Variants in TESK2 observed in about 807,000 individuals in gnomAD.
TESK2 encodes the protein dual specificity testis-specific protein kinase 2.
TESK2 carries 39 observed loss-of-function variants against 57.1 expected under a neutral mutation model. The ratio of observed to expected loss-of-function variants is 0.68; its 90% CI spans 0.53 to 0.89. TESK2 has a LOEUF of 0.89. Among genes scored for constraint, TESK2 ranks in the 40% least tolerant of loss-of-function variants. The pLI is 0.00. For missense variants in TESK2, 646 were observed against 732.1 expected, an observed-to-expected ratio of 0.88 and a Z score of 1.36; for synonymous variants, 249 against 267.9, an observed-to-expected ratio of 0.93 and a Z score of 0.69.
chr1:45,402,293 C>T (rs1649657696), intron 3 of TESK2, among the ~76,000 whole-genome samples: 1 of 150,274 alleles, frequency 6.7e-6, no homozygotes, highest in Non-Finnish European at 1.5e-5. Flanking sequence ...ACTCAGAAGA[C>T]AGCCAGGAGG....
At chr1:45,475,674 G>C (rs1652960261) in intron 1 of TESK2, among the ~76,000 whole-genome samples, 1 of 152,194 alleles carries the variant, frequency 6.6e-6, no homozygotes, top group Non-Finnish European at 1.5e-5. Flanking sequence ...GTGTGTCTGT[G>C]AGGGTGCGGC....
intron 2 of TESK2, among the ~76,000 whole-genome samples, chr1:45,422,777 G>GTTGTTGTTGTTGTTGTTGTTGTTGTTT (rs1557567065): frequency 1.3e-5 from 2 of 151,390 alleles, no homozygotes; most frequent in Admixed American, 6.6e-5. Flanking sequence ...TGTTGTTGTT[G>GTTGTTGTTGTTGTTGTTGTTGTTGTTT]TTTTTGTTTT....
intron 4 of TESK2, among the ~76,000 whole-genome samples, chr1:45,359,485 G>A (rs868134119): frequency 2.7e-5 from 4 of 150,814 alleles, no homozygotes; most frequent in East Asian, 1.9e-4. Flanking sequence ...ACTTGAACCC[G>A]GGAGGCGGAG....
intron 3 of TESK2, among the ~76,000 whole-genome samples, chr1:45,421,422 C>A (rs989880518): frequency 6.6e-6 from 1 of 152,136 alleles, no homozygotes; most frequent in Non-Finnish European, 1.5e-5. Context: ...AAAGACCAAT[C>A]TCTCCTCTTT....
intron 1 of TESK2, among the ~76,000 whole-genome samples, chr1:45,483,006 G>C (rs1019973774): frequency 6.6e-6 from 1 of 150,736 alleles, no homozygotes; most frequent in South Asian, 2.1e-4. Flanking sequence ...ATGTCCGGGC[G>C]CAGTAGCTGA....
chr1:45,475,014 C>T (rs1170355677), intron 1 of TESK2, among the ~76,000 whole-genome samples: 1 of 140,086 alleles, frequency 7.1e-6, no homozygotes, highest in Non-Finnish European at 1.5e-5. Context: ...GGCAGAAAGG[C>T]AACTCATGGG....
intron 1 of TESK2, among the ~76,000 whole-genome samples, chr1:45,463,585 T>C (rs1421391219): frequency 6.6e-6 from 1 of 152,124 alleles, no homozygotes; most frequent in African/African-American, 2.4e-5. Flanking sequence ...TCTGGTTTTT[T>C]GTTTTTGTTT....
chr1:45,418,240 A>AT (rs1650329426), intron 3 of TESK2, among the ~76,000 whole-genome samples: 1 of 152,214 alleles, frequency 6.6e-6, no homozygotes, highest in African/African-American at 2.4e-5. Context: ...CTTAAGCTAG[A>AT]TATTACTTAA....
chr1:45,393,545 A>G (rs1387777013), intron 3 of TESK2, among the ~76,000 whole-genome samples: 1 of 152,184 alleles, frequency 6.6e-6, no homozygotes. Context: ...GATCAAGACC[A>G]TCCTGGCCAA....
intron 1 of TESK2, among the ~76,000 whole-genome samples, chr1:45,472,956 T>A (rs1353082352): frequency 5.0e-5 from 7 of 138,682 alleles, no homozygotes; most frequent in Non-Finnish European, 9.2e-5. Context: ...GGTAATACGG[T>A]GAAACCCTGT....
intron 2 of TESK2, among the ~76,000 whole-genome samples, chr1:45,431,869 T>C (rs1650979230): frequency 6.6e-6 from 1 of 152,156 alleles, no homozygotes; most frequent in Non-Finnish European, 1.5e-5. Context: ...AGAAACTGGG[T>C]TTGGCTCAAG....
At chr1:45,476,831 A>G (rs1254042408) in intron 1 of TESK2, among the ~76,000 whole-genome samples, 1 of 151,740 alleles carries the variant, frequency 6.6e-6, no homozygotes, top group Non-Finnish European at 1.5e-5. Flanking sequence ...TGGGAGATAG[A>G]GTGAGACTCC....
chr1:45,482,114 G>A (rs1353870840), intron 1 of TESK2, among the ~76,000 whole-genome samples: 4 of 152,094 alleles, frequency 2.6e-5, no homozygotes, highest in East Asian at 1.9e-4. Context: ...CTCAAGGTTC[G>A]TGCATATTTT....
At position 45,374,729 on chromosome 1, in the gene TESK2, T is replaced by C. The variant is rs541902008; in HGVS notation, c.393+11183A>G. 6.6e-5 allele frequency among the ~76,000 whole-genome samples: 10 copies of C among 152,322 alleles called. No homozygotes were observed. The South Asian group carries it at 2.1e-3, about 32-fold the overall frequency. ...TACTCCTTCAGACACCAGTACTCTATGAAGATATCTCAACTCGAATGTCCA... is the reference window on the plus strand; with the variant it reads ...TACTCCTTCAGACACCAGTACTCTACGAAGATATCTCAACTCGAATGTCCA... On this transcript the variant is annotated intron_variant, in intron 4 of 10. Coordinates refer to ENST00000372086, the MANE Select transcript of TESK2 (RefSeq NM_007170.3).
intron 2 of TESK2, among the ~76,000 whole-genome samples, chr1:45,444,661 A>G (rs1194410904): frequency 6.6e-6 from 1 of 152,236 alleles, no homozygotes; most frequent in African/African-American, 2.4e-5. Context: ...ACATATCCAC[A>G]ACCTAGAATA....
rs181702671 is a variant in TESK2 at position 45,366,531 on chromosome 1, G to A, written c.394-11082C>T. The stretch of plus-strand genomic sequence containing the variant: ...GAGTATTGCTTGAGCCCAGGAGTTC[G>A]AGCCCATTCTTGGTGCCACTTTAGC... On this transcript the variant is annotated intron_variant, in intron 4 of 10. Transcript: ENST00000372086. Among the ~76,000 whole-genome samples the A allele has an allele frequency of 1.4e-4, 22 of 152,170 alleles. No homozygotes were observed. The East Asian group carries it at 2.1e-3, about 15-fold the overall frequency.
At chr1:45,399,589 A>G (rs1649517667) in intron 3 of TESK2, among the ~76,000 whole-genome samples, 1 of 152,110 alleles carries the variant, frequency 6.6e-6, no homozygotes, top group Non-Finnish European at 1.5e-5. Flanking sequence ...TGCTGGGATT[A>G]CAGGCGTGAG....
At chr1:45,407,081 G>A (rs1040196726) in intron 3 of TESK2, among the ~76,000 whole-genome samples, 6 of 151,968 alleles carry the variant, frequency 3.9e-5, no homozygotes, top group African/African-American at 1.2e-4. Context: ...GGATTACATC[G>A]TTAAAATTAT....
intron 3 of TESK2, among the ~76,000 whole-genome samples, chr1:45,420,198 C>T (rs1650413532): frequency 6.6e-6 from 1 of 152,146 alleles, no homozygotes; most frequent in African/African-American, 2.4e-5. Flanking sequence ...GCCTGAACAA[C>T]ACAGTGAGAC....
Sources: allele counts gnomAD v4.1 joint callset (sites outside exome capture counted in the v4.1 genomes callset), GRCh38; gene constraint gnomAD v4.1.1; transcripts MANE v1.5; gene names NCBI Gene and HGNC (gene_info 2026-07-23, HGNC 2026-07-21).